FGF2: variants seen among roughly 807,000 people sequenced by gnomAD.
FGF2 encodes fibroblast growth factor 2, also known as basic fibroblast growth factor bFGF.
Under a neutral mutation model 15.9 loss-of-function variants are expected in FGF2, and 13 were observed. The ratio of observed to expected loss-of-function variants is 0.82; its 90% CI spans 0.53 to 1.30. The LOEUF is 1.30. Ranked by LOEUF, FGF2 falls within the 50% of genes most tolerant of loss-of-function variation. The pLI, the probability that FGF2 is intolerant of heterozygous loss-of-function variation, is 0.00. For missense variants in FGF2, 163 were observed against 196.9 expected, an observed-to-expected ratio of 0.83 and a Z score of 1.03; for synonymous variants, 90 against 78.4, an observed-to-expected ratio of 1.15 and a Z score of -0.78.
At chr4:122,879,752 G>A (rs116414707) in intron 2 of FGF2, among the ~76,000 whole-genome samples, 3,304 of 152,316 alleles carry the variant, frequency 0.022, 60 homozygotes, top group Non-Finnish European at 0.036. Context: ...ATGGCAGTAG[G>A]CAGAGAGAGC....
Position 122,895,976 on chromosome 4 carries a change from A to C in FGF2, c.*3580A>C, listed in dbSNP as rs1040929262. Reference sequence around the variant, plus strand: ...TTTATGTTGAGTTAGAAATGCCTTCATATAGACATAGTCTTTCAGACCTCT... The same window carrying C: ...TTTATGTTGAGTTAGAAATGCCTTCCTATAGACATAGTCTTTCAGACCTCT... On this transcript the variant is annotated 3_prime_UTR_variant, in exon 3 of 3. Coordinates refer to ENST00000644866, the MANE Select transcript of FGF2 (RefSeq NM_001361665.2). 1 of 152,676 alleles carries C rather than the reference A, an allele frequency of 6.5e-6. No homozygotes were observed. The highest frequency in any genetic ancestry group is 1.5e-5 in the Non-Finnish European group (1 of 68,050). The allele number at this position is 152,676 out of a possible 1,614,324, so 9.5% of individuals were successfully genotyped here.
intron 2 of FGF2, among the ~76,000 whole-genome samples, chr4:122,890,864 G>GT (rs1408014819): frequency 2.0e-5 from 3 of 151,894 alleles, no homozygotes; most frequent in East Asian, 3.9e-4. Flanking sequence ...ATTTACATGT[G>GT]TTTTCTATAT....
At chr4:122,852,370 G>A (rs2150772112) in intron 1 of FGF2, among the ~76,000 whole-genome samples, 1 of 152,308 alleles carries the variant, frequency 6.6e-6, no homozygotes, top group Non-Finnish European at 1.5e-5. Flanking sequence ...TTCAGTGGCT[G>A]GATCTCAAGA....
chr4:122,828,578 G>A (rs1287801650), intron 1 of FGF2, among the ~76,000 whole-genome samples: 1 of 152,196 alleles, frequency 6.6e-6, no homozygotes, highest in African/African-American at 2.4e-5. Context: ...GTCATGAGGG[G>A]AGGTGGAGGG....
intron 1 of FGF2, among the ~76,000 whole-genome samples, chr4:122,870,281 G>A (rs1362547108): frequency 1.3e-5 from 2 of 152,126 alleles, no homozygotes; most frequent in African/African-American, 2.4e-5. Context: ...CAGGGATGTT[G>A]GCCTGAAGTT....
At chr4:122,876,273 G>T (rs4554090) in intron 1 of FGF2, 48 bp from the exon 2 acceptor site, 32,293 of 1,059,226 alleles carry the variant, frequency 0.03, 1,312 homozygotes, top group South Asian at 0.14. Flanking sequence ...TGTGAAGAAG[G>T]CTCTTTCCTC....
rs200464258 is a variant in FGF2 at position 122,896,184 on chromosome 4, T to A, written c.*3788T>A. The A allele has an allele frequency of 6.6e-6, 1 of 151,794 alleles. No homozygotes were observed. Among genetic ancestry groups the A allele is most frequent in the East Asian group, 1.9e-4 (1 of 5,184 alleles). The allele number at this position is 151,794 out of a possible 1,614,324, so 9.4% of individuals were successfully genotyped here. On this transcript the variant is annotated 3_prime_UTR_variant, in exon 3 of 3. Transcript: ENST00000644866. ...GTTGTTGTGACAACCACAAGCACTT[T>A]TTTTTTTTTTAAAGAAAAAAAGGTA... is the stretch of plus-strand genomic sequence containing the variant.
At chr4:122,886,923 C>A (rs1489966130) in intron 2 of FGF2, among the ~76,000 whole-genome samples, 6 of 151,386 alleles carry the variant, frequency 4.0e-5, no homozygotes, top group Non-Finnish European at 8.8e-5. Context: ...GCTTCTAAGC[C>A]CTCTAAGCTT....
At chr4:122,857,376 T>C (rs1390268494) in intron 1 of FGF2, among the ~76,000 whole-genome samples, 1 of 152,236 alleles carries the variant, frequency 6.6e-6, no homozygotes, top group Non-Finnish European at 1.5e-5. Context: ...CTGAAGCTTA[T>C]CTTTGCTGCT....
intron 1 of FGF2, among the ~76,000 whole-genome samples, chr4:122,847,603 C>CTCTATCTATCTATCTATCTA (rs34233719): frequency 8.5e-5 from 12 of 141,920 alleles, no homozygotes; most frequent in Non-Finnish European, 1.5e-4. Flanking sequence ...TAGGAGATCA[C>CTCTATCTATCTATCTATCTA]TCTATCTATC....
intron 1 of FGF2, among the ~76,000 whole-genome samples, chr4:122,858,438 C>T (rs1157406997): frequency 1.3e-5 from 2 of 151,940 alleles, no homozygotes; most frequent in African/African-American, 4.8e-5. Context: ...CGATCTGTCA[C>T]CCAGGCTGGA....
chr4:122,882,523 T>C (rs184507226), intron 2 of FGF2: 1 of 152,348 alleles, frequency 6.6e-6, no homozygotes, highest in African/African-American at 2.4e-5. Context: ...CAGGAACTTG[T>C]GAAAGTTAGT....
rs370677834 is a variant in FGF2, at chr4:122,891,197, C to T, written c.283-1014C>T. Among the ~76,000 whole-genome samples the T allele has an allele frequency of 2.7e-4, 41 of 151,162 alleles. No individual in the cohort carries two copies. In the South Asian group the frequency reaches 6.5e-3, roughly 24 times the overall value. ...CTGGGACTACAGGCGCCCGCCAACA[C>T]GCCCGGCTAATTTTTTGTATTTTTA... On this transcript the variant is annotated intron_variant, in intron 2 of 2. Transcript: ENST00000644866.
intron 2 of FGF2, among the ~76,000 whole-genome samples, chr4:122,885,610 A>G (rs1727040179): frequency 6.6e-6 from 1 of 152,118 alleles, no homozygotes; most frequent in African/African-American, 2.4e-5. Flanking sequence ...GTATCTATAT[A>G]CTCCACACTG....
chr4:122,859,485 A>T (rs2150775264), intron 1 of FGF2, among the ~76,000 whole-genome samples: 1 of 152,352 alleles, frequency 6.6e-6, no homozygotes, highest in East Asian at 1.9e-4. Context: ...AAGATGCCTC[A>T]GCCACATTCA....
chr4:122,832,028 A>G (rs1362138828), intron 1 of FGF2, among the ~76,000 whole-genome samples: 1 of 152,192 alleles, frequency 6.6e-6, no homozygotes, highest in African/African-American at 2.4e-5. Context: ...AAGGTCTCAC[A>G]TTATTGGAAC....
At chr4:122,863,540 C>G (rs376591610) in intron 1 of FGF2, among the ~76,000 whole-genome samples, 1 of 152,106 alleles carries the variant, frequency 6.6e-6, no homozygotes, top group African/African-American at 2.4e-5. Flanking sequence ...TTGCCAATAC[C>G]TTGCTCATGT....
In FGF2 at chr4:122,894,280, A is replaced by G. The variant is rs1727282432; in HGVS notation, c.*1884A>G. 6.6e-6 allele frequency: 1 copy of G among 152,234 alleles called. No homozygotes were observed. Among genetic ancestry groups the G allele is most frequent in the Non-Finnish European group, 1.5e-5 (1 of 68,036 alleles). 9.4% of individuals were successfully genotyped at this position (152,234 alleles called of 1,614,324 possible). A position where few individuals can be genotyped will look rare whatever the true frequency, so the allele number is the denominator to read the frequency against. On this transcript the variant is annotated 3_prime_UTR_variant, in exon 3 of 3. Coordinates refer to ENST00000644866, the MANE Select transcript of FGF2 (RefSeq NM_001361665.2). The stretch of plus-strand genomic sequence containing the variant: ...TGCCCATAGGTTAAACATGGTTAGA[A>G]ACAACTGAAAGCATAAAAGAAAAAT...
chr4:122,871,856 C>T (rs1415283238), intron 1 of FGF2, among the ~76,000 whole-genome samples: 1 of 150,426 alleles, frequency 6.6e-6, no homozygotes, highest in African/African-American at 2.4e-5. Context: ...CACAAAAACC[C>T]CATTCAAGGG....
Sources: allele counts gnomAD v4.1 joint callset (sites outside exome capture counted in the v4.1 genomes callset), GRCh38; gene constraint gnomAD v4.1.1; transcripts MANE v1.5; gene names NCBI Gene and HGNC (gene_info 2026-07-23, HGNC 2026-07-21).